ATAD2B: variants seen among roughly 807,000 people sequenced by gnomAD.
ATAD2B encodes the protein ATPase family AAA domain containing 2B, also known as ATPase family AAA domain-containing protein 2B.
In ATAD2B, 40 loss-of-function variants were observed where a neutral mutation model predicts 167.6. That is an observed-to-expected ratio of 0.24 (90% CI 0.19 to 0.31). The LOEUF is 0.31. ATAD2B is among the 10% of genes least tolerant of loss of function. ATAD2B has a pLI of 1.00. For synonymous variants in ATAD2B, 579 were observed against 596.5 expected, an observed-to-expected ratio of 0.97 and a Z score of 0.43; for missense variants, 1,242 against 1,757.2, an observed-to-expected ratio of 0.71 and a Z score of 5.24.
intron 17 of ATAD2B, among the ~76,000 whole-genome samples, chr2:23,815,904 C>T (rs543631854): frequency 6.6e-6 from 1 of 152,202 alleles, no homozygotes; most frequent in Non-Finnish European, 1.5e-5. Context: ...CAAGCTATTA[C>T]ATTTATTATT....
intron 2 of ATAD2B, among the ~76,000 whole-genome samples, chr2:23,891,993 CA>C (rs1558747064): frequency 1.3e-5 from 2 of 152,220 alleles, no homozygotes; most frequent in Admixed American, 1.3e-4. Context: ...AACCTCAATT[CA>C]AAAAAGCCCA....
chr2:23,761,232 T>C (rs1572647740), intron 24 of ATAD2B, among the ~76,000 whole-genome samples: 1 of 152,214 alleles, frequency 6.6e-6, no homozygotes, highest in Non-Finnish European at 1.5e-5. Context: ...CATATACAAA[T>C]GCCACTTACC....
chr2:23,813,309 ATGT>A (rs1308254038), intron 17 of ATAD2B, among the ~76,000 whole-genome samples: 1 of 148,416 alleles, frequency 6.7e-6, no homozygotes, highest in South Asian at 2.1e-4. Context: ...CATATAAATT[ATGT>A]TGTTATTTTA....
intron 15 of ATAD2B, among the ~76,000 whole-genome samples, chr2:23,825,024 G>A (rs1688028686): frequency 6.6e-6 from 1 of 151,996 alleles, no homozygotes; most frequent in African/African-American, 2.4e-5. Flanking sequence ...GCTCACCGCA[G>A]CCTTGACTTC....
the ATAD2B span, among the ~76,000 whole-genome samples, chr2:23,699,352 C>G: frequency 6.6e-6 from 1 of 152,244 alleles, no homozygotes; most frequent in African/African-American, 2.4e-5. Context: ...CGTCCAGGCA[C>G]TCACCGAACA....
At chr2:23,719,624 T>C in the ATAD2B span, among the ~76,000 whole-genome samples, 1 of 152,088 alleles carries the variant, frequency 6.6e-6, no homozygotes, top group African/African-American at 2.4e-5. Flanking sequence ...CATGACACCC[T>C]TTCCCCCATT....
the ATAD2B span, among the ~76,000 whole-genome samples, chr2:23,681,361 C>A: frequency 0.099 from 15,099 of 152,256 alleles, 860 homozygotes; most frequent in Middle Eastern, 0.17. This position sits in a 1 kb window ranked among gnomAD's most constrained non-coding sequence, Gnocchi z 4.2. Context: ...GACACCTGAA[C>A]CTCCAAGCGC....
At chr2:23,850,158 A>G (rs1692341931) in intron 13 of ATAD2B, among the ~76,000 whole-genome samples, 1 of 151,068 alleles carries the variant, frequency 6.6e-6, no homozygotes, top group African/African-American at 2.4e-5. Context: ...AAAAAAAAAA[A>G]TGACTTTAAG....
intron 24 of ATAD2B, among the ~76,000 whole-genome samples, chr2:23,758,415 G>T (rs111611393): frequency 2.6e-5 from 4 of 152,046 alleles, no homozygotes; most frequent in African/African-American, 4.8e-5. Flanking sequence ...CAAAAGCCAC[G>T]CATATAATAT....
chr2:23,696,285 G>GC, the ATAD2B span: 1 of 1,534,330 alleles, frequency 6.5e-7, no homozygotes, highest in Non-Finnish European at 8.8e-7. The surrounding 1 kb of genome is among the most constrained non-coding windows in gnomAD (Gnocchi z 5.5). Context: ...CTGACCCCAG[G>GC]CCCCTCCTCA....
chr2:23,867,762 T>C (rs1056882953), intron 10 of ATAD2B, 73 bp downstream of exon 10: 1 of 1,041,758 alleles, frequency 9.6e-7, no homozygotes, highest in African/African-American at 1.6e-5. Context: ...AGTTCTACTA[T>C]GTGCTGCTTT....
the ATAD2B span, among the ~76,000 whole-genome samples, chr2:23,728,479 C>T: frequency 7.3e-5 from 11 of 151,316 alleles, no homozygotes; most frequent in East Asian, 5.8e-4. Context: ...TTACATACTA[C>T]GAAAAAAAGT....
rs746931554 is a variant in ATAD2B, at chr2:23,810,325, T to G, written c.2445A>C (p.Ser815=). ...TGTGGTACAAACCTACCTGTGCACA[T>G]GATTCCTCAGGTGTTTTGGCACTAA... ...YSVSAKTPEE[S]CAQIFREARR... Residue 815 remains serine, a synonymous_variant, in exon 18 of 28, where the codon TCA becomes TCC. Transcript: ENST00000238789. The G allele has an allele frequency of 1.9e-6, 3 of 1,613,328 alleles. No individual in the cohort carries two copies. Among genetic ancestry groups the G allele is most frequent in the Non-Finnish European group, 1.7e-6 (2 of 1,179,352 alleles).
the ATAD2B span, among the ~76,000 whole-genome samples, chr2:23,678,646 T>C: frequency 2.0e-5 from 3 of 152,072 alleles, no homozygotes; most frequent in Non-Finnish European, 4.4e-5. Flanking sequence ...AATAGCAAAA[T>C]GGTGGCAGCA....
the ATAD2B span, among the ~76,000 whole-genome samples, chr2:23,717,468 CA>C: frequency 6.7e-6 from 1 of 150,180 alleles, no homozygotes; most frequent in Non-Finnish European, 1.5e-5. Flanking sequence ...AGCACAGGGA[CA>C]AAAAAAACAA....
intron 13 of ATAD2B, among the ~76,000 whole-genome samples, chr2:23,840,907 T>C (rs1690789942): frequency 1.3e-5 from 2 of 152,244 alleles, no homozygotes; most frequent in Non-Finnish European, 2.9e-5. Flanking sequence ...GAATTGCAGA[T>C]TTTAAATTGT....
the ATAD2B span, chr2:23,703,990 C>T: frequency 9.0e-7 from 1 of 1,112,904 alleles, no homozygotes; most frequent in Non-Finnish European, 1.2e-6. Flanking sequence ...GGCCCTCCCC[C>T]TCCAACCACA....
At chr2:23,889,379 G>T (rs1699144299) in intron 2 of ATAD2B, among the ~76,000 whole-genome samples, 2 of 151,942 alleles carry the variant, frequency 1.3e-5, no homozygotes, top group Non-Finnish European at 1.5e-5. Flanking sequence ...TGTTGGTCAG[G>T]CTGGTCTCAA....
At chr2:23,694,017 G>A in the ATAD2B span, among the ~76,000 whole-genome samples, 2 of 152,200 alleles carry the variant, frequency 1.3e-5, no homozygotes, top group African/African-American at 4.8e-5. Flanking sequence ...CAGATCAGGT[G>A]GGAGGCAGGG....
Sources: allele counts gnomAD v4.1 joint callset (sites outside exome capture counted in the v4.1 genomes callset), GRCh38; gene constraint gnomAD v4.1.1; non-coding constraint Gnocchi (gnomAD v3.1); transcripts MANE v1.5; gene names NCBI Gene and HGNC (gene_info 2026-07-23, HGNC 2026-07-21).